The following HNRNPDL variants were observed in gnomAD, a reference collection of about 807,000 sequenced individuals.
HNRNPDL encodes the protein heterogeneous nuclear ribonucleoprotein D like, also known as heterogeneous nuclear ribonucleoprotein D-like.
Under a neutral mutation model 48.0 loss-of-function variants are expected in HNRNPDL, and 18 were observed. That is an observed-to-expected ratio of 0.38 (90% CI 0.26 to 0.56). The LOEUF is 0.56. HNRNPDL is among the 20% of genes least tolerant of loss of function. The pLI, the probability that HNRNPDL is intolerant of heterozygous loss-of-function variation, is 0.77. For missense variants in HNRNPDL, 553 were observed against 540.7 expected (o/e 1.02, Z -0.23); for synonymous variants, 306 against 207.3 (o/e 1.48, Z -4.09).
Position 82,428,184 on chromosome 4 carries a change from A to G in HNRNPDL, c.613-5T>C, listed in dbSNP as rs776882102. 10 of 1,613,324 alleles carry G rather than the reference A, an allele frequency of 6.2e-6. No homozygotes were observed. Among genetic ancestry groups the G allele is most frequent in the Non-Finnish European group, 7.6e-6 (9 of 1,179,652 alleles). On this transcript the variant is annotated splice_polypyrimidine_tract_variant and splice_region_variant and intron_variant, in intron 2 of 7. Coordinates refer to ENST00000295470, the MANE Select transcript of HNRNPDL (RefSeq NM_031372.4). The stretch of plus-strand genomic sequence containing the variant: ...GTGTTCTTTCAGTTCCAAAACCTAC[A>G]AGACAGATTTATTTAATCTGACAGC...
At chr4:82,428,854 C>T (rs1721537383) in intron 1 of HNRNPDL, among the ~76,000 whole-genome samples, 6 of 152,230 alleles carry the variant, frequency 3.9e-5, no homozygotes, top group Admixed American at 3.9e-4. Flanking sequence ...GTACCAGTCG[C>T]CTGCTTGTGC....
intron 1 of HNRNPDL, 51 bp downstream of exon 1, chr4:82,429,197 G>T (rs573943710): frequency 1.5e-5 from 23 of 1,552,568 alleles, no homozygotes; most frequent in Non-Finnish European, 2.0e-5. Context: ...GGAACGAAGG[G>T]CGCGTGCGGC....
chr4:82,427,947 G>A (rs1578084565), intron 3 of HNRNPDL, 71 bp downstream of exon 3: 7 of 1,421,958 alleles, frequency 4.9e-6, no homozygotes, highest in African/African-American at 4.3e-5. Flanking sequence ...AATCTGCCCT[G>A]CATAAATCGG....
chr4:82,427,481 T>G lies in HNRNPDL; in HGVS notation c.858A>C (p.Pro286=). 1 of 1,611,028 alleles carries G rather than the reference T, an allele frequency of 6.2e-7. No homozygotes were observed. The highest frequency in any genetic ancestry group is 8.5e-7 in the Non-Finnish European group (1 of 1,179,132). ...ATCTGCTTTCTAACAATTTTTTTAC[T>G]GGCTCTTCATCAGTATATGTGATAA... ...FCFITYTDEE[P]VKKLLESRYH... is the part of the protein sequence containing the mutation. Residue 286 remains proline (P), a synonymous_variant, in exon 4 of 8, where the codon CCA becomes CCC. Coordinates refer to ENST00000295470, the MANE Select transcript of HNRNPDL (RefSeq NM_031372.4).
rs758100589 is a variant in HNRNPDL at position 82,426,512 on chromosome 4, C to T, written c.1143G>A (p.Gly381=). 2 of 1,612,650 alleles carry T rather than the reference C, an allele frequency of 1.2e-6. No individual in the cohort carries two copies. The highest frequency in any genetic ancestry group is 1.7e-6 in the Non-Finnish European group (2 of 1,178,978). ...CATATCCATAGTTCCCATAGTTATA[C>T]CCAGTATAATCATATCCGCCATAGC... ...YSGYGGYDYT[G]YNYGNYGYGQ... The change falls in exon 6 of 8, where the codon GGG becomes GGA. Residue 381 remains glycine, a synonymous_variant. Transcript: ENST00000295470.
chr4:82,428,960 T>C (rs1310447473), intron 1 of HNRNPDL, among the ~76,000 whole-genome samples: 1 of 152,214 alleles, frequency 6.6e-6, no homozygotes, highest in Non-Finnish European at 1.5e-5. Flanking sequence ...CGTGCAGCGC[T>C]GGGAGGCCGG....
chr4:82,427,142 T>C (rs1484985028), intron 5 of HNRNPDL, 48 bp downstream of exon 5: 1 of 1,227,992 alleles, frequency 8.1e-7, no homozygotes. Context: ...TTCAGCAGTA[T>C]ACAGCTTAAA....
In HNRNPDL at chr4:82,427,530, GT is replaced by G; in HGVS notation, c.808del (p.Thr270GlnfsTer18). 1.2e-6 allele frequency: 2 copies of G among 1,608,024 alleles called. No homozygotes were observed. Among genetic ancestry groups the G allele is most frequent in the South Asian group, 2.2e-5 (2 of 89,226 alleles). On this transcript the variant is annotated frameshift_variant, in exon 4 of 8. Transcript: ENST00000295470. LOFTEE classifies it high-confidence loss of function. The part of the protein sequence containing the change: ...ENIELPMDTK[T>X]NERRGFCFIT... ...AAAACAAAATCCTCTTCTTTCATTT[GT>G]TTTTGTATCCATGGGAAGTTCAATA... is the stretch of plus-strand genomic sequence containing the variant.
In HNRNPDL at chr4:82,427,266, C is replaced by T. The variant is rs769612628; in HGVS notation, c.945G>A (p.Arg315=). ...IKVAQPKEVY[R]QQQQQQKGGR... Reference sequence around the variant, plus strand: ...CACCTTTTTGTTGTTGCTGTTGCTGCCTATATACCTCTTTGGGTTGTGCAA... The same window carrying T: ...CACCTTTTTGTTGTTGCTGTTGCTGTCTATATACCTCTTTGGGTTGTGCAA... The change falls in exon 5 of 8, where the codon AGG becomes AGA. Residue 315 remains arginine (R), a synonymous_variant. Coordinates refer to ENST00000295470, the MANE Select transcript of HNRNPDL (RefSeq NM_031372.4). 6.2e-7 allele frequency: 1 copy of T among 1,613,478 alleles called. No individual in the cohort carries two copies. The highest frequency in any genetic ancestry group is 8.5e-7 in the Non-Finnish European group (1 of 1,179,726).
chr4:82,429,408 T>C lies in HNRNPDL; in HGVS notation c.283A>G (p.Ile95Val), dbSNP rs768730541. Reference protein sequence around the residue: ...LFRRHFKSSSIQRSAAAAAAT... With the variant: ...LFRRHFKSSSVQRSAAAAAAT... ...GCAGCAGCGGCGGCGGAGCGTTGTA[T>C]GGAGCTGGATTTAAAATGGCGGCGG... The change falls in exon 1 of 8, where the codon ATA becomes GTA. Residue 95 changes from isoleucine (I) to valine (V), a missense_variant. Ile to Val is a conservative substitution (Grantham distance 29). Around this residue, in one of 4 missense-constraint regions of HNRNPDL, gnomAD observed 327 missense variants for 203.2 expected, o/e 1.61. Coordinates refer to ENST00000295470, the MANE Select transcript of HNRNPDL (RefSeq NM_031372.4). 1.6e-5 allele frequency: 26 copies of C among 1,612,956 alleles called. No homozygotes were observed. The highest frequency in any genetic ancestry group is 5.0e-5 in the Admixed American group (3 of 59,974).
chr4:82,426,434 C>G (rs749371050), intron 6 of HNRNPDL, 29 bp downstream of exon 6: 2 of 1,572,692 alleles, frequency 1.3e-6, no homozygotes, highest in Non-Finnish European at 1.7e-6. Context: ...AATACCACTG[C>G]TTTATAAAAT....
Position 82,429,578 on chromosome 4 carries a change from A to G in HNRNPDL, c.113T>C (p.Leu38Pro), listed in dbSNP as rs373042980. The stretch of plus-strand genomic sequence containing the variant: ...AGCGAGCGAAGGGAGGAGCGGGGCT[A>G]GCTGCCGCGGCGGCCGCGGCCGCCA... ...SHWRPRPPRQ[L>P]APLLPSLAPS... Residue 38 changes from leucine to proline, a missense_variant, in exon 1 of 8, where the codon CTA becomes CCA. Leu to Pro is a moderately conservative substitution (Grantham distance 98, BLOSUM62 -3). Around this residue, in one of 4 missense-constraint regions of HNRNPDL, gnomAD observed 327 missense variants for 203.2 expected, o/e 1.61. Transcript: ENST00000295470. 1.1e-3 allele frequency: 1,470 copies of G among 1,389,752 alleles called. 1 individual carries two copies. The highest frequency in any genetic ancestry group is 1.3e-3 in the Non-Finnish European group (1,382 of 1,076,102). 86.1% of individuals were successfully genotyped at this position (1,389,752 alleles called of 1,614,324 possible). A position where few individuals can be genotyped will look rare whatever the true frequency, so the allele number is the denominator to read the frequency against.
At position 82,428,027 on chromosome 4, in the gene HNRNPDL, G is replaced by A. The variant is rs1721491536; in HGVS notation, c.765C>T (p.Ala255=). ...AAACATAATCACACACCTCTCCAAA[G>A]GCTCCAAAATATTCTTTAATTTGTT... The part of the protein sequence containing the change: ...SEEQIKEYFG[A]FGEIENIELP... The change falls in exon 3 of 8, where the codon GCC becomes GCT. Residue 255 remains alanine, a synonymous_variant. Coordinates refer to ENST00000295470, the MANE Select transcript of HNRNPDL (RefSeq NM_031372.4). 1 of 1,613,810 alleles carries A rather than the reference G, an allele frequency of 6.2e-7. No individual in the cohort carries two copies. Among genetic ancestry groups the A allele is most frequent in the Non-Finnish European group, 8.5e-7 (1 of 1,179,884 alleles).
intron 6 of HNRNPDL, 137 bp downstream of exon 6, chr4:82,426,324 CTA>C (rs761524913): frequency 1.9e-4 from 162 of 863,964 alleles, no homozygotes; most frequent in Non-Finnish European, 2.3e-4. Flanking sequence ...TATAATCATC[CTA>C]TGATTGTAAC....
rs753846571 is a variant in HNRNPDL at position 82,429,298 on chromosome 4, T to C, written c.393A>G (p.Glu131=). 3.1e-6 allele frequency: 5 copies of C among 1,613,844 alleles called. No individual in the cohort carries two copies. In the East Asian group the frequency reaches 1.1e-4, roughly 36 times the overall value. Residue 131 remains glutamate, a synonymous_variant, in exon 1 of 8, where the codon GAA becomes GAG. Transcript: ENST00000295470. The part of the protein sequence containing the change: ...EDMNEYSNIE[E]FAEGSKINAS... ...CGTTGATCTTGGATCCCTCTGCGAA[T>C]TCCTCTATATTGCTGTACTCGTTCA...
chr4:82,423,236 T>C lies in HNRNPDL; in HGVS notation c.*1670A>G, dbSNP rs920845422. 8 of 152,234 alleles carry C rather than the reference T, an allele frequency of 5.3e-5. No individual in the cohort carries two copies. Among genetic ancestry groups the C allele is most frequent in the African/African-American group, 1.9e-4 (8 of 41,458 alleles). 9.4% of individuals were successfully genotyped at this position (152,234 alleles called of 1,614,324 possible). A position where few individuals can be genotyped will look rare whatever the true frequency, so the allele number is the denominator to read the frequency against. On this transcript the variant is annotated 3_prime_UTR_variant, in exon 8 of 8. Transcript: ENST00000295470. ...GTTTAAAAAGGCTTTATTCATTTTT[T>C]GATCAGGGAAAAGGACAATCTCAAT...
At chr4:82,426,000 A>C in intron 7 of HNRNPDL, 37 bp downstream of exon 7, 6 of 1,245,848 alleles carry the variant, frequency 4.8e-6, no homozygotes, top group Non-Finnish European at 7.1e-6. Flanking sequence ...AAATTAAATT[A>C]GACATTTCTA....
chr4:82,426,938 T>G (rs79740118), intron 5 of HNRNPDL, among the ~76,000 whole-genome samples: 14,385 of 152,140 alleles, frequency 0.095, 730 homozygotes, highest in Non-Finnish European at 0.1. Context: ...CACCACGGTG[T>G]ATCATGTAAT....
At position 82,427,517 on chromosome 4, in the gene HNRNPDL, T is replaced by C; in HGVS notation, c.822A>G (p.Arg274=). ...CAGTATATGTGATAAAACAAAATCC[T>C]CTTCTTTCATTTGTTTTTGTATCCA... ...LPMDTKTNER[R]GFCFITYTDE... Residue 274 remains arginine, a synonymous_variant, in exon 4 of 8, where the codon AGA becomes AGG. Coordinates refer to ENST00000295470, the MANE Select transcript of HNRNPDL (RefSeq NM_031372.4). 1.2e-6 allele frequency: 2 copies of C among 1,608,986 alleles called. No individual in the cohort carries two copies. Among genetic ancestry groups the C allele is most frequent in the South Asian group, 1.1e-5 (1 of 89,578 alleles).
Sources: gnomAD v4.1 joint callset for allele counts (sites outside exome capture counted in the v4.1 genomes callset) on GRCh38, gnomAD v4.1.1 for gene constraint, gnomAD v4.1.1 regional missense constraint, MANE v1.5 for transcripts, NCBI Gene and HGNC (gene_info 2026-07-23, HGNC 2026-07-21) for gene names.